Variants in WDFY4 observed in about 807,000 individuals in gnomAD.
The protein encoded by WDFY4 is WDFY family member 4.
Under a neutral mutation model 351.9 loss-of-function variants are expected in WDFY4, and 169 were observed. The observed-to-expected ratio is 0.48, with a 90% CI of 0.42 to 0.55. The LOEUF (loss-of-function observed/expected upper bound fraction) is 0.55, where lower values mean the gene tolerates loss of function less well. Among genes scored for constraint, WDFY4 ranks in the 20% least tolerant of loss-of-function variants. The pLI is 0.00. For synonymous variants in WDFY4, 1,622 were observed against 1,574.6 expected (o/e 1.03, Z -0.71); for missense variants, 3,803 against 3,935.6 (o/e 0.97, Z 0.90).
At position 48,743,396 on chromosome 10, in the gene WDFY4, T is replaced by G; in HGVS notation, c.2307T>G (p.Phe769Leu). The G allele has an allele frequency of 4.5e-6, 7 of 1,551,594 alleles. No individual in the cohort carries two copies. The highest frequency in any genetic ancestry group is 6.1e-6 in the Non-Finnish European group (7 of 1,146,982). Residue 769 changes from phenylalanine to leucine, a missense_variant, in exon 12 of 62, where the codon TTT becomes TTG. This residue lies in a region of WDFY4 where 3,054 missense variants were observed against 3,148.6 expected (regional missense o/e 0.97). Coordinates refer to ENST00000325239, the MANE Select transcript of WDFY4 (RefSeq NM_001394531.1). ...AGAGCTGCCTCCAGATCCTTGGCTT[T>G]CTGGACAGCATGGCCAGCGGCACCC... The part of the protein sequence containing the change: ...RIQSCLQILG[F>L]LDSMASGTLH...
chr10:48,978,260 G>T (rs985644484), intron 59 of WDFY4, 49 bp from the exon 60 acceptor site: 18 of 1,535,456 alleles, frequency 1.2e-5, no homozygotes, highest in Admixed American at 2.0e-5. Flanking sequence ...CTCCAAGCTT[G>T]CAGACAGGAT....
intron 47 of WDFY4, among the ~76,000 whole-genome samples, chr10:48,918,868 C>A (rs1838790735): frequency 6.6e-6 from 1 of 152,196 alleles, no homozygotes; most frequent in African/African-American, 2.4e-5. Context: ...CTAGTTGTAA[C>A]AATCAATAAT....
chr10:48,700,129 A>T (rs2063438488), intron 1 of WDFY4, among the ~76,000 whole-genome samples: 2 of 152,198 alleles, frequency 1.3e-5, no homozygotes, highest in South Asian at 4.1e-4. Context: ...TTCACCTCCC[A>T]GCACCACCCC....
At chr10:48,947,305 C>T (rs762619721) in intron 51 of WDFY4, among the ~76,000 whole-genome samples, 20 of 151,974 alleles carry the variant, frequency 1.3e-4, no homozygotes, top group Non-Finnish European at 2.1e-4. Context: ...GAAAGGCAGG[C>T]GGTCAAGGAT....
intron 47 of WDFY4, among the ~76,000 whole-genome samples, chr10:48,904,726 C>T (rs1837529134): frequency 6.6e-6 from 1 of 152,208 alleles, no homozygotes; most frequent in Non-Finnish European, 1.5e-5. Flanking sequence ...CCCAAACTGT[C>T]ATTTTCCCCA....
At chr10:48,720,324 C>T (rs578198119) in intron 3 of WDFY4, among the ~76,000 whole-genome samples, 199 bp downstream of exon 3, 1 of 152,138 alleles carries the variant, frequency 6.6e-6, no homozygotes, top group Non-Finnish European at 1.5e-5. Context: ...TCGGGGAGCC[C>T]TGCTGTTCCT....
chr10:48,706,059 T>C (rs2063618433), intron 1 of WDFY4, among the ~76,000 whole-genome samples: 1 of 152,188 alleles, frequency 6.6e-6, no homozygotes, highest in African/African-American at 2.4e-5. Flanking sequence ...ACACAGTGGC[T>C]TTCAGAGTCC....
rs541916231 is a variant in WDFY4, at chr10:48,946,819, C to T, written c.7868-41C>T. 17 of 1,436,980 alleles carry T rather than the reference C, an allele frequency of 1.2e-5. No individual in the cohort carries two copies. The East Asian group carries it at 3.7e-4, about 31-fold the overall frequency. 89.0% of individuals were successfully genotyped at this position (1,436,980 alleles called of 1,614,324 possible). A position where few individuals can be genotyped will look rare whatever the true frequency, so the allele number is the denominator to read the frequency against. On this transcript the variant is annotated intron_variant, in intron 50 of 61. Transcript: ENST00000325239. ...CACACATATCTGCCACGTGTGAGTG[C>T]AGGTAAGGAAGCAGCCCTCAAGCAT...
chr10:48,869,623 T>C (rs936343394), intron 40 of WDFY4, among the ~76,000 whole-genome samples: 2 of 152,146 alleles, frequency 1.3e-5, no homozygotes, highest in African/African-American at 4.8e-5. Flanking sequence ...CTTTGCCTTG[T>C]CCACATTATC....
intron 25 of WDFY4, chr10:48,804,878 A>C: frequency 2.8e-6 from 2 of 722,496 alleles, no homozygotes; most frequent in Non-Finnish European, 3.4e-6. Context: ...ACACAACCAG[A>C]CAAGCTAGTG....
At chr10:48,731,023 G>T in intron 8 of WDFY4, 87 bp from the exon 9 acceptor site, 1 of 1,372,090 alleles carries the variant, frequency 7.3e-7, no homozygotes. Context: ...AACTTCAAAT[G>T]GCATGCCCTC....
chr10:48,699,013 C>T (rs768891405), intron 1 of WDFY4, among the ~76,000 whole-genome samples: 6 of 152,182 alleles, frequency 3.9e-5, no homozygotes, highest in African/African-American at 4.8e-5. Flanking sequence ...TAGACCTAGC[C>T]GGCCCGTGCA....
At chr10:48,779,575 A>G (rs1327468507) in intron 18 of WDFY4, among the ~76,000 whole-genome samples, 4 of 152,170 alleles carry the variant, frequency 2.6e-5, no homozygotes, top group African/African-American at 9.7e-5. Flanking sequence ...CTGTGGAGGT[A>G]GTCTACCTTG....
At chr10:48,853,272 T>C (rs1055169513) in intron 39 of WDFY4, among the ~76,000 whole-genome samples, 3 of 152,204 alleles carry the variant, frequency 2.0e-5, no homozygotes, top group Admixed American at 6.5e-5. Context: ...ACCCCTCTCC[T>C]GAGCTTTCTT....
intron 24 of WDFY4, among the ~76,000 whole-genome samples, chr10:48,802,407 CT>C (rs1163010255): frequency 1.3e-5 from 2 of 152,048 alleles, no homozygotes; most frequent in African/African-American, 2.4e-5. Flanking sequence ...TATTTTGGGT[CT>C]TTTTATGGCA....
chr10:48,973,544 T>C (rs1266381974), intron 57 of WDFY4, among the ~76,000 whole-genome samples: 1 of 152,108 alleles, frequency 6.6e-6, no homozygotes, highest in Non-Finnish European at 1.5e-5. Flanking sequence ...AGGGTGGAGG[T>C]TTACCACTTG....
At chr10:48,752,076 C>T (rs1246564524) in intron 12 of WDFY4, among the ~76,000 whole-genome samples, 1 of 152,200 alleles carries the variant, frequency 6.6e-6, no homozygotes, top group Non-Finnish European at 1.5e-5. Flanking sequence ...CGTCTGGGAA[C>T]ACCAGGTCAG....
chr10:48,924,551 TC>T (rs1839408624), intron 47 of WDFY4, among the ~76,000 whole-genome samples: 1 of 152,234 alleles, frequency 6.6e-6, no homozygotes, highest in South Asian at 2.1e-4. Flanking sequence ...AGATTTCATT[TC>T]ACATGAACAG....
chr10:48,719,940 G>A, intron 2 of WDFY4, 71 bp from the exon 3 acceptor site: 2 of 1,385,352 alleles, frequency 1.4e-6, no homozygotes, highest in Non-Finnish European at 2.0e-6. Flanking sequence ...GTGAAGGGTG[G>A]CATGGCAGGC....
Sources: allele counts gnomAD v4.1 joint callset (sites outside exome capture counted in the v4.1 genomes callset), GRCh38; gene constraint gnomAD v4.1.1; regional missense constraint gnomAD v4.1.1; transcripts MANE v1.5; gene names NCBI Gene and HGNC (gene_info 2026-07-23, HGNC 2026-07-21).